RIN3: variants seen among roughly 807,000 people sequenced by gnomAD.
RIN3 encodes the protein Ras and Rab interactor 3.
In RIN3, 54 loss-of-function variants were observed where a neutral mutation model predicts 76.3. That is an observed-to-expected ratio of 0.71 (90% CI 0.57 to 0.89). The LOEUF is 0.89. Among genes scored for constraint, RIN3 ranks in the 40% least tolerant of loss-of-function variants. The probability of loss-of-function intolerance (pLI) is 0.00; values close to 1 mark genes in which losing one functional copy is unlikely to be tolerated. For missense variants in RIN3, 1,256 were observed against 1,322.1 expected, an observed-to-expected ratio of 0.95 and a Z score of 0.78; for synonymous variants, 576 against 564.0, an observed-to-expected ratio of 1.02 and a Z score of -0.30.
intron 2 of RIN3, among the ~76,000 whole-genome samples, chr14:92,569,055 G>A (rs928331290): frequency 2.6e-5 from 4 of 152,328 alleles, no homozygotes; most frequent in African/African-American, 4.8e-5. Flanking sequence ...GTGTGCACAC[G>A]CCAGCTGCCG....
Position 92,573,170 on chromosome 14 carries a change from C to T in RIN3, c.250-4190C>T, listed in dbSNP as rs190185921. 9.9e-5 allele frequency among the ~76,000 whole-genome samples: 15 copies of T among 152,238 alleles called. 1 individual carries two copies. In the East Asian group the frequency reaches 2.7e-3, roughly 27 times the overall value. The stretch of plus-strand genomic sequence containing the variant: ...GTGCTGGGATTACAGGCATGAGCCA[C>T]CGTGCCCGGCCAAAAGGGTGACTTT... On this transcript the variant is annotated intron_variant, in intron 2 of 9. Transcript: ENST00000216487.
intron 1 of RIN3, among the ~76,000 whole-genome samples, chr14:92,536,035 G>A (rs1204215014): frequency 6.6e-6 from 1 of 152,138 alleles, no homozygotes; most frequent in Non-Finnish European, 1.5e-5. Context: ...GAAATCAGGT[G>A]ACTGTAAATG....
In RIN3 at chr14:92,555,759, C is replaced by T; in HGVS notation, c.53C>T (p.Pro18Leu). The T allele has an allele frequency of 6.2e-7, 1 of 1,614,146 alleles. No individual in the cohort carries two copies. The highest frequency in any genetic ancestry group is 8.5e-7 in the Non-Finnish European group (1 of 1,180,034). Residue 18 changes from proline to leucine, a missense_variant, in exon 2 of 10, where the codon CCA becomes CTA. Around this residue, in one of 3 missense-constraint regions of RIN3, gnomAD observed 610 missense variants for 626.4 expected, o/e 0.97. Coordinates refer to ENST00000216487, the MANE Select transcript of RIN3 (RefSeq NM_024832.5). ...TGAATTCTGTTTTTCAGTCCGGTTC[C>T]AGTTGTTGGCAAAGGAGAGGAAGAG... Reference protein sequence around the residue: ...PARGDPTGPVPVVGKGEEEEE... With the variant: ...PARGDPTGPVLVVGKGEEEEE...
At chr14:92,670,160 C>T (rs1888240774) in intron 7 of RIN3, among the ~76,000 whole-genome samples, 1 of 152,030 alleles carries the variant, frequency 6.6e-6, no homozygotes, top group Non-Finnish European at 1.5e-5. Flanking sequence ...CCCAGCTGAG[C>T]ACCTCTTCAG....
chr14:92,520,123 C>T (rs1896555319), intron 1 of RIN3, among the ~76,000 whole-genome samples: 1 of 152,260 alleles, frequency 6.6e-6, no homozygotes, highest in South Asian at 2.1e-4. Context: ...GCCCCCACCT[C>T]AACCAGTACA....
At position 92,652,759 on chromosome 14, in the gene RIN3, G is replaced by A. The variant is rs771413980; in HGVS notation, c.1710G>A (p.Lys570=). The A allele has an allele frequency of 1.2e-6, 2 of 1,613,944 alleles. No homozygotes were observed. The highest frequency in any genetic ancestry group is 2.2e-5 in the South Asian group (2 of 91,086). Residue 570 remains lysine, a synonymous_variant, in exon 6 of 10, where the codon AAG becomes AAA. Coordinates refer to ENST00000216487, the MANE Select transcript of RIN3 (RefSeq NM_024832.5). The surrounding 1 kb of genome is among the most constrained non-coding windows in gnomAD (Gnocchi z 6.4). ...EQFSSPSVKK[K]PSMILGKARH... is the part of the protein sequence containing the mutation. ...TCAGCAGCCCCAGCGTGAAGAAGAA[G>A]CCCTCCATGATCCTGGGCAAGGCTC...
At chr14:92,556,538 T>G (rs1897587930) in intron 2 of RIN3, among the ~76,000 whole-genome samples, 1 of 151,960 alleles carries the variant, frequency 6.6e-6, no homozygotes, top group Non-Finnish European at 1.5e-5. Context: ...GGAAGATAGA[T>G]GATGGATGGA....
chr14:92,661,323 C>T (rs1051951215), intron 7 of RIN3, among the ~76,000 whole-genome samples: 3 of 152,194 alleles, frequency 2.0e-5, no homozygotes, highest in Admixed American at 2.0e-4. Context: ...GGTGCCAGAT[C>T]CCCTCACCCA....
chr14:92,660,620 G>A (rs1887847433), intron 7 of RIN3, among the ~76,000 whole-genome samples: 1 of 152,248 alleles, frequency 6.6e-6, no homozygotes, highest in Non-Finnish European at 1.5e-5. Flanking sequence ...ATCGAGGCCT[G>A]GCCCTGAACT....
At chr14:92,678,483 A>ATG (rs1888555491) in intron 8 of RIN3, among the ~76,000 whole-genome samples, 2 of 16,526 alleles carry the variant, frequency 1.2e-4, no homozygotes, top group Non-Finnish European at 2.4e-4. Context: ...CCACCCACCC[A>ATG]CCCACATATT....
At chr14:92,679,553 A>C (rs114901803) in intron 8 of RIN3, among the ~76,000 whole-genome samples, 3,713 of 152,092 alleles carry the variant, frequency 0.024, 126 homozygotes, top group South Asian at 0.08. Flanking sequence ...CAGCCTGGAC[A>C]CTTCATCTCA....
chr14:92,602,458 C>G (rs937156626), intron 3 of RIN3, among the ~76,000 whole-genome samples: 4 of 152,198 alleles, frequency 2.6e-5, no homozygotes, highest in African/African-American at 9.7e-5. Flanking sequence ...AAGGCACCTG[C>G]TATACTGGCT....
intron 1 of RIN3, among the ~76,000 whole-genome samples, chr14:92,550,931 GCAGTAAACACC>G (rs1345576609): frequency 6.6e-6 from 1 of 152,110 alleles, no homozygotes; most frequent in Non-Finnish European, 1.5e-5. Context: ...AAAGAACTTT[GCAGTAAACACC>G]CATACACCCA....
chr14:92,555,868 G>A lies in RIN3; in HGVS notation c.162G>A (p.Glu54=). ...LPHRRGISIL[E]KLIKTCPVWL... Reference sequence around the variant, plus strand: ...ACCGCCGGGGCATCAGCATCCTGGAGAAGCTCATCAAAACATGCCCGGTGT... The same window carrying A: ...ACCGCCGGGGCATCAGCATCCTGGAAAAGCTCATCAAAACATGCCCGGTGT... The change falls in exon 2 of 10, where the codon GAG becomes GAA. Residue 54 remains glutamate, a synonymous_variant. Transcript: ENST00000216487. 1 of 1,614,168 alleles carries A rather than the reference G, an allele frequency of 6.2e-7. No homozygotes were observed. Among genetic ancestry groups the A allele is most frequent in the Non-Finnish European group, 8.5e-7 (1 of 1,180,028 alleles).
At position 92,600,957 on chromosome 14, in the gene RIN3, G is replaced by A. The variant is rs568916471; in HGVS notation, c.368-14450G>A. 9.8e-5 allele frequency among the ~76,000 whole-genome samples: 15 copies of A among 152,302 alleles called. No homozygotes were observed. In the South Asian group the frequency reaches 1.2e-3, roughly 13 times the overall value. ...CAGTTTGCTCCTGGTTGAGAACCAC[G>A]GCTCTAGGGCTGTGCCACCCAGTAT... On this transcript the variant is annotated intron_variant, in intron 3 of 9. Coordinates refer to ENST00000216487, the MANE Select transcript of RIN3 (RefSeq NM_024832.5).
At chr14:92,577,538 C>T (rs1898288017) in intron 3 of RIN3, 61 bp downstream of exon 3, 1 of 1,032,698 alleles carries the variant, frequency 9.7e-7, no homozygotes, top group African/African-American at 1.6e-5. Flanking sequence ...AGCAGAGAGG[C>T]TGCACCTTCT....
rs893721211 is a variant in RIN3, at chr14:92,659,537, A to C, written c.2335+68A>C. ...TGTATGGGTCCATGACCCCACCCTG[A>C]CCAGGACTCCAGAGCCCTTGGAAGG... On this transcript the variant is annotated intron_variant, in intron 7 of 9. Coordinates refer to ENST00000216487, the MANE Select transcript of RIN3 (RefSeq NM_024832.5). 2.1e-6 allele frequency: 3 copies of C among 1,422,214 alleles called. No homozygotes were observed. In the Admixed American group the frequency reaches 6.8e-5, roughly 32 times the overall value. The allele number at this position is 1,422,214 out of a possible 1,614,324, so 88.1% of individuals were successfully genotyped here. A position where few individuals can be genotyped will look rare whatever the true frequency, so the allele number is the denominator to read the frequency against.
At chr14:92,557,643 A>G (rs1897633457) in intron 2 of RIN3, among the ~76,000 whole-genome samples, 1 of 152,214 alleles carries the variant, frequency 6.6e-6, no homozygotes, top group Admixed American at 6.5e-5. Flanking sequence ...GGCCCCTGTC[A>G]CAGGGAGTGG....
intron 5 of RIN3, chr14:92,645,182 A>C (rs1032598344): frequency 6.6e-6 from 1 of 152,158 alleles, no homozygotes; most frequent in East Asian, 1.9e-4. Flanking sequence ...CCACCTGACC[A>C]CTGTTCTTCA....
Sources: gnomAD v4.1 joint callset for allele counts (sites outside exome capture counted in the v4.1 genomes callset) on GRCh38, gnomAD v4.1.1 for gene constraint, gnomAD v4.1.1 regional missense constraint, Gnocchi (gnomAD v3.1) non-coding constraint, MANE v1.5 for transcripts, NCBI Gene and HGNC (gene_info 2026-07-23, HGNC 2026-07-21) for gene names.